Variants in MAPK3 observed in about 807,000 individuals in gnomAD.
MAPK3 encodes mitogen-activated protein kinase 3.
Under a neutral mutation model 41.8 loss-of-function variants are expected in MAPK3, and 30 were observed. The ratio of observed to expected loss-of-function variants is 0.72; its 90% CI spans 0.54 to 0.97. The LOEUF is 0.97. Ranked by LOEUF, MAPK3 falls within the 50% of genes least tolerant of loss-of-function variation. The pLI is 0.00. For missense variants in MAPK3, 413 were observed against 509.9 expected (o/e 0.81, Z 1.83); for synonymous variants, 222 against 213.4 (o/e 1.04, Z -0.35).
rs749779624 is a variant in MAPK3, at chr16:30,121,945, G to A, written c.232C>T (p.His78Tyr). The A allele has an allele frequency of 1.3e-5, 21 of 1,614,094 alleles. No individual in the cohort carries two copies. Among genetic ancestry groups the A allele is most frequent in the Non-Finnish European group, 1.7e-5 (20 of 1,180,052 alleles). The change falls in exon 2 of 9, where the codon CAT (histidine) becomes TAT (tyrosine). Residue 78 changes from histidine (H) to tyrosine (Y), a missense_variant. Coordinates refer to ENST00000263025, the MANE Select transcript of MAPK3 (RefSeq NM_002746.3). ...AGCGTGCGCTGGCAGTAGGTCTGATGTTCGAAGGGGCTGATCTTCTTGATG... is the reference window on the plus strand; with the variant it reads ...AGCGTGCGCTGGCAGTAGGTCTGATATTCGAAGGGGCTGATCTTCTTGATG... ...VAIKKISPFE[H>Y]QTYCQRTLRE...
At chr16:30,117,330 CT>C in intron 5 of MAPK3, 45 bp from the exon 6 acceptor site, 1 of 1,605,378 alleles carries the variant, frequency 6.2e-7, no homozygotes, top group Non-Finnish European at 8.5e-7. Flanking sequence ...CTCTTTCTTT[CT>C]GGGAACAGAA....
rs1043648895 is a variant in MAPK3 at position 30,114,880 on chromosome 16, G to T, written c.*33-172C>A. ...TACCTAGCTTGAGGTACTGCTGTAA[G>T]ATTAAAGGAATTAATACATGTAAAC... On this transcript the variant is annotated intron_variant, in intron 8 of 8. Transcript: ENST00000263025. Among the ~76,000 whole-genome samples the T allele has an allele frequency of 1.5e-4, 23 of 152,252 alleles. 2 individuals carry two copies. The highest frequency in any genetic ancestry group is 1.0e-3 in the Admixed American group (16 of 15,290).
Position 30,117,724 on chromosome 16 carries a change from T to TA in MAPK3, c.720dup (p.Asn241Ter). On this transcript the variant is annotated frameshift_variant, in exon 5 of 9. Transcript: ENST00000263025. LOFTEE classifies it high-confidence loss of function. ...TGCTTGCCAGGGAAGATGGGCCGGT[T>TA]AGAGAGCATCTCAGCCAGAATGCAG... is the stretch of plus-strand genomic sequence containing the variant. The TA allele has an allele frequency of 6.2e-7, 1 of 1,614,088 alleles. No homozygotes were observed. The highest frequency in any genetic ancestry group is 8.5e-7 in the Non-Finnish European group (1 of 1,179,968).
At chr16:30,118,006 G>C (rs1168171700) in intron 4 of MAPK3, 41 bp downstream of exon 4, 1 of 1,565,412 alleles carries the variant, frequency 6.4e-7, no homozygotes, top group African/African-American at 1.4e-5. Context: ...GGCTTCCTGG[G>C]AACTGGTCCG....
intron 4 of MAPK3, 46 bp downstream of exon 4, chr16:30,118,001 C>T (rs1000906404): frequency 9.0e-6 from 14 of 1,549,884 alleles, no homozygotes; most frequent in Non-Finnish European, 1.2e-5. Flanking sequence ...TCCAGGGCTT[C>T]CTGGGAACTG....
In MAPK3 at chr16:30,122,314, C is replaced by A; in HGVS notation, c.171-308G>T. ...CCTTCGCCCCCATTCCCAGGAAAGG[C>A]TCCTTAACCCAAGACAGGTCCGGGG... On this transcript the variant is annotated intron_variant, in intron 1 of 8. Coordinates refer to ENST00000263025, the MANE Select transcript of MAPK3 (RefSeq NM_002746.3). 2 of 441,332 alleles carry A rather than the reference C, an allele frequency of 4.5e-6. 1 individual carries two copies. Among genetic ancestry groups the A allele is most frequent in the South Asian group, 4.3e-5 (2 of 46,024 alleles). The allele number at this position is 441,332 out of a possible 1,614,324, so 27.3% of individuals were successfully genotyped here.
At chr16:30,119,916 C>T (rs966508964) in intron 2 of MAPK3, among the ~76,000 whole-genome samples, 2 of 152,198 alleles carry the variant, frequency 1.3e-5, no homozygotes, top group African/African-American at 4.8e-5. Flanking sequence ...TGCCTGTAAT[C>T]CCAGCTCTTC....
chr16:30,117,649 A>C, intron 5 of MAPK3, 21 bp downstream of exon 5: 1 of 1,594,042 alleles, frequency 6.3e-7, no homozygotes, highest in Non-Finnish European at 8.6e-7. Context: ...TCCCCAACTC[A>C]GCCAGCCGGG....
intron 2 of MAPK3, 59 bp downstream of exon 2, chr16:30,121,765 G>T: frequency 1.3e-6 from 2 of 1,542,576 alleles, no homozygotes; most frequent in Non-Finnish European, 1.8e-6. Context: ...CAAGCAACGG[G>T]TCCCCAGCCC....
chr16:30,117,774 TTGGTATAGCCC>T lies in MAPK3; in HGVS notation c.661-1_670del. 6.2e-7 allele frequency: 1 copy of T among 1,613,232 alleles called. No individual in the cohort carries two copies. The highest frequency in any genetic ancestry group is 8.5e-7 in the Non-Finnish European group (1 of 1,179,250). Reference sequence around the variant, plus strand: ...GCCCACAGACCAGATGTCGATGGACTTGGTATAGCCCTGGGGGAGAGGAGGAAGTGGTGAGC... The same window carrying T: ...GCCCACAGACCAGATGTCGATGGACTTGGGGGAGAGGAGGAAGTGGTGAGC... On this transcript the variant is annotated splice_acceptor_variant and coding_sequence_variant, in exon 5 of 9. Coordinates refer to ENST00000263025, the MANE Select transcript of MAPK3 (RefSeq NM_002746.3). LOFTEE classifies it high-confidence loss of function.
At position 30,123,178 on chromosome 16, in the gene MAPK3, C is replaced by G. The variant is rs955881745; in HGVS notation, c.32G>C (p.Gly11Ala). 71 of 1,330,180 alleles carry G rather than the reference C, an allele frequency of 5.3e-5. No homozygotes were observed. Among genetic ancestry groups the G allele is most frequent in the Non-Finnish European group, 6.9e-5 (69 of 996,800 alleles). The allele number at this position is 1,330,180 out of a possible 1,614,324, so 82.4% of individuals were successfully genotyped here. A position where few individuals can be genotyped will look rare whatever the true frequency, so the allele number is the denominator to read the frequency against. The change falls in exon 1 of 9, where the codon GGC becomes GCC. Residue 11 changes from glycine to alanine, a missense_variant. By Grantham distance (60) the Gly-to-Ala change is moderately conservative. Coordinates refer to ENST00000263025, the MANE Select transcript of MAPK3 (RefSeq NM_002746.3). Reference protein sequence around the residue: MAAAAAQGGGGGEPRRTEGVG... With the variant: MAAAAAQGGGAGEPRRTEGVG... ...CCCCTCGGTTCTACGGGGCTCCCCG[C>G]CCCCGCCCCCCTGAGCCGCCGCCGC...
rs1215763466 is a variant in MAPK3 at position 30,123,217 on chromosome 16, C to T, written c.-8G>A. On this transcript the variant is annotated 5_prime_UTR_variant, in exon 1 of 9. Coordinates refer to ENST00000263025, the MANE Select transcript of MAPK3 (RefSeq NM_002746.3). Reference sequence around the variant, plus strand: ...AGCCGCCGCCGCCGCCATCTCCACTCCTCCCCTCCCACCGCCCTCCTCCCC... The same window carrying T: ...AGCCGCCGCCGCCGCCATCTCCACTTCTCCCCTCCCACCGCCCTCCTCCCC... The T allele has an allele frequency of 1.4e-5, 15 of 1,097,132 alleles. No homozygotes were observed. The highest frequency in any genetic ancestry group is 6.5e-5 in the East Asian group (2 of 30,942). The allele number at this position is 1,097,132 out of a possible 1,614,324, so 68.0% of individuals were successfully genotyped here. A position where few individuals can be genotyped will look rare whatever the true frequency, so the allele number is the denominator to read the frequency against.
At chr16:30,118,774 G>A (rs546306146) in intron 2 of MAPK3, among the ~76,000 whole-genome samples, 50 of 152,224 alleles carry the variant, frequency 3.3e-4, no homozygotes, top group African/African-American at 1.0e-3. Flanking sequence ...CATTTCTGAG[G>A]CCTCAGTTTC....
At chr16:30,120,478 A>G (rs894239136) in intron 2 of MAPK3, among the ~76,000 whole-genome samples, 3 of 152,288 alleles carry the variant, frequency 2.0e-5, no homozygotes, top group Non-Finnish European at 4.4e-5. Context: ...GGAAGTGGAC[A>G]GCAAACTAGG....
rs1596875916 is a variant in MAPK3 at position 30,114,347 on chromosome 16, G to T, written c.*394C>A. 1 of 152,554 alleles carries T rather than the reference G, an allele frequency of 6.6e-6. No individual in the cohort carries two copies. The highest frequency in any genetic ancestry group is 6.6e-5 in the Admixed American group (1 of 15,258). 9.5% of individuals were successfully genotyped at this position (152,554 alleles called of 1,614,324 possible). A position where few individuals can be genotyped will look rare whatever the true frequency, so the allele number is the denominator to read the frequency against. On this transcript the variant is annotated 3_prime_UTR_variant, in exon 9 of 9. Coordinates refer to ENST00000263025, the MANE Select transcript of MAPK3 (RefSeq NM_002746.3). ...TAGGGTGGGGTTTGAATGAGATGAG[G>T]GGGGCAGGCATGGCCCTGAGTCCCT...
intron 8 of MAPK3, 32 bp downstream of exon 8, chr16:30,116,604 G>A: frequency 1.9e-6 from 3 of 1,591,806 alleles, no homozygotes; most frequent in Non-Finnish European, 2.6e-6. Context: ...TTAGTATCAG[G>A]GTGTCCATGT....
At chr16:30,115,314 C>A (rs1485976754) in intron 8 of MAPK3, among the ~76,000 whole-genome samples, 1 of 152,208 alleles carries the variant, frequency 6.6e-6, no homozygotes, top group Non-Finnish European at 1.5e-5. Context: ...ACAGCACTTA[C>A]TAAGTGGCAC....
chr16:30,121,998 TAGGCCGAGCTGAG>T lies in MAPK3; in HGVS notation c.171-5_178del. On this transcript the variant is annotated splice_acceptor_variant and splice_polypyrimidine_tract_variant and coding_sequence_variant and intron_variant, in exon 2 of 9. Coordinates refer to ENST00000263025, the MANE Select transcript of MAPK3 (RefSeq NM_002746.3). LOFTEE classifies it high-confidence loss of function. ...CACGCGAGTCTTGCGCACGTGGTCA[TAGGCCGAGCTGAG>T]GGGACCGGAGAGAGGCTGCTGCTGT... is the stretch of plus-strand genomic sequence containing the variant. The T allele has an allele frequency of 6.2e-7, 1 of 1,614,002 alleles. No homozygotes were observed. The highest frequency in any genetic ancestry group is 8.5e-7 in the Non-Finnish European group (1 of 1,180,028).
chr16:30,122,160 T>TG (rs976791538), intron 1 of MAPK3, 154 bp from the exon 2 acceptor site: 9 of 711,558 alleles, frequency 1.3e-5, no homozygotes, highest in Middle Eastern at 3.8e-4. Context: ...TGTGGAGGCC[T>TG]GGGATCTCCA....
Sources: gnomAD v4.1 joint callset for allele counts (sites outside exome capture counted in the v4.1 genomes callset) on GRCh38, gnomAD v4.1.1 for gene constraint, MANE v1.5 for transcripts, NCBI Gene and HGNC (gene_info 2026-07-23, HGNC 2026-07-21) for gene names.